Variants in PLEKHA1 observed in about 807,000 individuals in gnomAD.
PLEKHA1 encodes pleckstrin homology domain-containing family A member 1.
PLEKHA1 carries 34 observed loss-of-function variants against 52.0 expected under a neutral mutation model. That is an observed-to-expected ratio of 0.65 (90% CI 0.50 to 0.87). The LOEUF (loss-of-function observed/expected upper bound fraction) is 0.87. Among genes scored for constraint, PLEKHA1 ranks in the 40% least tolerant of loss-of-function variants. The pLI is 0.00. For missense variants in PLEKHA1, 497 were observed against 504.2 expected (o/e 0.99, Z 0.14); for synonymous variants, 163 against 170.7 (o/e 0.95, Z 0.35).
At chr10:122,388,487 A>G (rs986944094) in intron 1 of PLEKHA1, among the ~76,000 whole-genome samples, 2 of 152,156 alleles carry the variant, frequency 1.3e-5, no homozygotes, top group African/African-American at 4.8e-5. Context: ...CCTGTGTTCA[A>G]TTCTGAATAT....
intron 9 of PLEKHA1, among the ~76,000 whole-genome samples, 186 bp from the exon 10 acceptor site, chr10:122,424,710 A>G (rs2097312252): frequency 1.3e-5 from 2 of 152,242 alleles, no homozygotes; most frequent in Non-Finnish European, 2.9e-5. Flanking sequence ...AACTTTTTCT[A>G]AAAGTGAAAC....
At chr10:122,441,536 A>G in the PLEKHA1 span, 1 of 152,144 alleles carries the variant, frequency 6.6e-6, no homozygotes, top group Non-Finnish European at 1.5e-5. Flanking sequence ...TAAGGAATTA[A>G]CTTCTCTCCT....
chr10:122,417,988 A>G lies in PLEKHA1; in HGVS notation c.681+20A>G. 1 of 1,575,898 alleles carries G rather than the reference A, an allele frequency of 6.3e-7. No homozygotes were observed. The highest frequency in any genetic ancestry group is 8.7e-7 in the Non-Finnish European group (1 of 1,146,106). ...GAACTGGTATGTTGTTACGTCATAA[A>G]TGTTGCTATAAGAATGTTTGAAAAG... On this transcript the variant is annotated intron_variant, in intron 8 of 11. Coordinates refer to ENST00000368990, the MANE Select transcript of PLEKHA1 (RefSeq NM_001001974.4).
At chr10:122,425,322 A>C in intron 10 of PLEKHA1, 1 of 163,278 alleles carries the variant, frequency 6.1e-6, no homozygotes, top group Non-Finnish European at 1.3e-5. Flanking sequence ...TAGTAAAAGT[A>C]GACAGTAGAT....
At chr10:122,424,690 T>C (rs1339837786) in intron 9 of PLEKHA1, among the ~76,000 whole-genome samples, 1 of 152,206 alleles carries the variant, frequency 6.6e-6, no homozygotes, top group Non-Finnish European at 1.5e-5. Flanking sequence ...AACTTTAAAG[T>C]TGCTTTGTGA....
At chr10:122,405,537 A>G (rs1033359384) in intron 4 of PLEKHA1, among the ~76,000 whole-genome samples, 2 of 151,920 alleles carry the variant, frequency 1.3e-5, no homozygotes, top group Non-Finnish European at 2.9e-5. Context: ...ACAAGGTACA[A>G]TTATTTACCA....
intron 1 of PLEKHA1, chr10:122,392,405 A>G (rs2096788576): frequency 6.6e-6 from 1 of 152,036 alleles, no homozygotes. Context: ...GATCTAAAAA[A>G]CATTTTTTCT....
chr10:122,377,907 TG>T (rs1464671567), intron 1 of PLEKHA1, among the ~76,000 whole-genome samples: 1 of 152,204 alleles, frequency 6.6e-6, no homozygotes, highest in African/African-American at 2.4e-5. Context: ...GAATTTCTGT[TG>T]GATATAAAAG....
At chr10:122,422,830 A>T (rs986054740) in intron 8 of PLEKHA1, 3 of 152,226 alleles carry the variant, frequency 2.0e-5, no homozygotes, top group Non-Finnish European at 4.4e-5. Flanking sequence ...GAGCACATCC[A>T]TGTTTTAGGA....
intron 3 of PLEKHA1, among the ~76,000 whole-genome samples, chr10:122,399,687 A>G (rs867483503): frequency 9.9e-5 from 15 of 152,092 alleles, no homozygotes; most frequent in Admixed American, 3.3e-4. Context: ...GGTTCACGCC[A>G]TTCTCCTGCC....
intron 10 of PLEKHA1, 33 bp from the exon 11 acceptor site, chr10:122,426,909 A>G (rs918201727): frequency 6.4e-7 from 1 of 1,563,096 alleles, no homozygotes; most frequent in African/African-American, 1.4e-5. Flanking sequence ...ATTTTGAGAA[A>G]AAATTGTTTG....
intron 1 of PLEKHA1, among the ~76,000 whole-genome samples, chr10:122,389,360 T>C (rs1437788695): frequency 6.6e-6 from 1 of 152,206 alleles, no homozygotes; most frequent in Admixed American, 6.5e-5. Context: ...TGAGCAGTGA[T>C]ATTTGGAAAG....
At chr10:122,417,762 C>T (rs926719168) in intron 7 of PLEKHA1, 138 bp from the exon 8 acceptor site, 6 of 567,116 alleles carry the variant, frequency 1.1e-5, no homozygotes, top group South Asian at 5.2e-5. Flanking sequence ...TTTAATTTAT[C>T]GCATCTCTAA....
At chr10:122,396,905 A>AT (rs2096857506) in intron 2 of PLEKHA1, among the ~76,000 whole-genome samples, 1 of 151,964 alleles carries the variant, frequency 6.6e-6, no homozygotes, top group African/African-American at 2.4e-5. Context: ...TCAGTTTATT[A>AT]TAAGATATAT....
At position 122,432,217 on chromosome 10, in the gene PLEKHA1, G is replaced by A. The variant is rs534750326; in HGVS notation, c.*2279G>A. On this transcript the variant is annotated 3_prime_UTR_variant, in exon 12 of 12. Transcript: ENST00000368990. The stretch of plus-strand genomic sequence containing the variant: ...CTTAATATTTGCTGCATTTTTTTCC[G>A]TATATATAACATGTCTTCTTTCAGA... The A allele has an allele frequency of 1.8e-4, 27 of 151,980 alleles. No homozygotes were observed. The highest frequency in any genetic ancestry group is 9.8e-4 in the Admixed American group (15 of 15,280). The allele number at this position is 151,980 out of a possible 1,614,324, so 9.4% of individuals were successfully genotyped here.
Position 122,429,923 on chromosome 10 carries a change from G to T in PLEKHA1, c.1200G>T (p.Pro400=). The T allele has an allele frequency of 6.2e-7, 1 of 1,612,350 alleles. No individual in the cohort carries two copies. The highest frequency in any genetic ancestry group is 8.5e-7 in the Non-Finnish European group (1 of 1,178,984). The part of the protein sequence containing the change: ...DLVDLDDASL[P]VSDV ...TAGACTTGGACGATGCGAGCCTTCC[G>T]GTCAGTGACGTGTGAGGCAGAAGCG... is the stretch of plus-strand genomic sequence containing the variant. The change falls in exon 12 of 12, where the codon CCG becomes CCT. Residue 400 remains proline, a synonymous_variant. Transcript: ENST00000368990.
intron 11 of PLEKHA1, chr10:122,428,304 C>G (rs1307745537): frequency 6.5e-7 from 1 of 1,545,980 alleles, no homozygotes. Flanking sequence ...CTGTCGAACC[C>G]TTGTATACAG....
At chr10:122,404,656 A>C (rs1194131885) in intron 4 of PLEKHA1, among the ~76,000 whole-genome samples, 1 of 152,252 alleles carries the variant, frequency 6.6e-6, no homozygotes, top group Non-Finnish European at 1.5e-5. Flanking sequence ...ATTTATCTTA[A>C]TACATATTTA....
rs2097407470 is a variant in PLEKHA1 at position 122,430,554 on chromosome 10, G to C, written c.*616G>C. On this transcript the variant is annotated 3_prime_UTR_variant, in exon 12 of 12. Transcript: ENST00000368990. ...GGGTTGTGGGTTATACCGGCATAGA[G>C]AAAAGAAGAAAACTAGAATTGAAAC... 1 of 152,606 alleles carries C rather than the reference G, an allele frequency of 6.6e-6. No individual in the cohort carries two copies. The highest frequency in any genetic ancestry group is 2.4e-5 in the African/African-American group (1 of 41,452). 9.5% of individuals were successfully genotyped at this position (152,606 alleles called of 1,614,324 possible).
Sources: allele counts gnomAD v4.1 joint callset (sites outside exome capture counted in the v4.1 genomes callset), GRCh38; gene constraint gnomAD v4.1.1; transcripts MANE v1.5; gene names NCBI Gene and HGNC (gene_info 2026-07-23, HGNC 2026-07-21).